The following MYBPC1 variants were observed in gnomAD, a reference collection of about 807,000 sequenced individuals.
MYBPC1 encodes the protein myosin-binding protein C, slow-type.
MYBPC1 carries 52 observed loss-of-function variants against 147.1 expected under a neutral mutation model. That is an observed-to-expected ratio of 0.35 (90% CI 0.28 to 0.45). MYBPC1 has a LOEUF of 0.45. Ranked by LOEUF, MYBPC1 falls within the 20% of genes least tolerant of loss-of-function variation. MYBPC1 has a pLI of 1.00. For missense variants in MYBPC1, 1,228 were observed against 1,440.3 expected (o/e 0.85, Z 2.39); for synonymous variants, 477 against 475.9 (o/e 1.00, Z -0.03).
chr12:101,649,462 C>G, intron 15 of MYBPC1, 36 bp downstream of exon 15: 1 of 1,606,246 alleles, frequency 6.2e-7, no homozygotes, highest in Non-Finnish European at 8.5e-7. Context: ...TCTCAGTGGG[C>G]TTATTAATGA....
rs185293894 is a variant in MYBPC1, at chr12:101,632,806, C to T, written c.556+668C>T. ...ATCTAGTGGCACTGTCTTGGTTCAC[C>T]ACAACTTCCAACTCCTGGGTTCAAG... On this transcript the variant is annotated intron_variant, in intron 8 of 31. Transcript: ENST00000361466. Among the ~76,000 whole-genome samples, 322 of 152,232 alleles carry T rather than the reference C, an allele frequency of 2.1e-3. 5 individuals carry two copies. Among genetic ancestry groups the T allele is most frequent in the African/African-American group, 7.4e-3 (309 of 41,548 alleles).
chr12:101,599,668 T>C (rs888392851), intron 1 of MYBPC1, among the ~76,000 whole-genome samples: 2 of 151,922 alleles, frequency 1.3e-5, no homozygotes, highest in East Asian at 3.8e-4. Flanking sequence ...TAATAATTTA[T>C]GCAGAAAACT....
At chr12:101,597,399 C>T (rs776952465) in intron 1 of MYBPC1, among the ~76,000 whole-genome samples, 51 of 152,052 alleles carry the variant, frequency 3.4e-4, no homozygotes, top group Non-Finnish European at 6.0e-4. Flanking sequence ...GTTTGGCCCT[C>T]CTAGGATCCA....
downstream of MYBPC1, among the ~76,000 whole-genome samples, chr12:101,689,151 G>C (rs1286132129): frequency 1.3e-5 from 2 of 152,130 alleles, no homozygotes; most frequent in Non-Finnish European, 2.9e-5. Flanking sequence ...TGCTAGGATG[G>C]AGAACAGGAC....
At chr12:101,661,317 C>CTAAGAT in intron 20 of MYBPC1, 55 bp downstream of exon 20, 1 of 1,133,082 alleles carries the variant, frequency 8.8e-7, no homozygotes, top group Non-Finnish European at 1.3e-6. Context: ...GTCCTCTTTA[C>CTAAGAT]GCATCTTAGT....
chr12:101,617,102 C>T lies in MYBPC1; in HGVS notation c.62-100C>T. ...TCAGTATCATTTATGACCTGTTCTGCTGTCATTTATTTCTTCCCTCCCCCT... is the reference window on the plus strand; with the variant it reads ...TCAGTATCATTTATGACCTGTTCTGTTGTCATTTATTTCTTCCCTCCCCCT... On this transcript the variant is annotated intron_variant, in intron 2 of 31. Coordinates refer to ENST00000361466, the MANE Select transcript of MYBPC1 (RefSeq NM_002465.4). 4.9e-6 allele frequency: 5 copies of T among 1,029,992 alleles called. No homozygotes were observed. In the South Asian group the frequency reaches 6.6e-5, roughly 14 times the overall value. The allele number at this position is 1,029,992 out of a possible 1,614,324, so 63.8% of individuals were successfully genotyped here. A position where few individuals can be genotyped will look rare whatever the true frequency, so the allele number is the denominator to read the frequency against.
At position 101,629,216 on chromosome 12, in the gene MYBPC1, T is replaced by C. The variant is rs1157601845; in HGVS notation, c.179-218T>C. On this transcript the variant is annotated intron_variant, in intron 5 of 31. Transcript: ENST00000361466. Reference sequence around the variant, plus strand: ...TCCACTATTTCTAAGAATTACATAATGTTCATTTGCCCCATCATGGAAGAG... The same window carrying C: ...TCCACTATTTCTAAGAATTACATAACGTTCATTTGCCCCATCATGGAAGAG... 1.8e-5 allele frequency: 10 copies of C among 553,924 alleles called. No homozygotes were observed. The East Asian group carries it at 3.2e-4, about 18-fold the overall frequency. The allele number at this position is 553,924 out of a possible 1,614,324, so 34.3% of individuals were successfully genotyped here. A position where few individuals can be genotyped will look rare whatever the true frequency, so the allele number is the denominator to read the frequency against.
intron 6 of MYBPC1, among the ~76,000 whole-genome samples, chr12:101,629,799 C>T (rs1040383812): frequency 6.6e-6 from 1 of 151,632 alleles, no homozygotes; most frequent in Non-Finnish European, 1.5e-5. Flanking sequence ...CTTGAACCCA[C>T]GAGGCGGAGG....
rs957629124 is a variant in MYBPC1, at chr12:101,608,992, C to T, written c.26-5504C>T. Among the ~76,000 whole-genome samples the T allele has an allele frequency of 4.6e-5, 7 of 152,120 alleles. No individual in the cohort carries two copies. The South Asian group carries it at 1.2e-3, about 27-fold the overall frequency. On this transcript the variant is annotated intron_variant, in intron 1 of 31. Coordinates refer to ENST00000361466, the MANE Select transcript of MYBPC1 (RefSeq NM_002465.4). ...TGGATTTCTTGGCAGCAAGGAGAAGCGGCTTTTGTGCAGGGAGGAACAGCC... is the reference window on the plus strand; with the variant it reads ...TGGATTTCTTGGCAGCAAGGAGAAGTGGCTTTTGTGCAGGGAGGAACAGCC...
chr12:101,670,819 C>G (rs1335400589), intron 24 of MYBPC1, among the ~76,000 whole-genome samples: 1 of 152,148 alleles, frequency 6.6e-6, no homozygotes, highest in Admixed American at 6.5e-5. Flanking sequence ...CCCACAATGA[C>G]CCCAAACCAA....
rs200785490 is a variant in MYBPC1 at position 101,617,254 on chromosome 12, G to A, written c.103+11G>A. 3 of 1,613,390 alleles carry A rather than the reference G, an allele frequency of 1.9e-6. No homozygotes were observed. The African/African-American group carries it at 4.0e-5, about 22-fold the overall frequency. On this transcript the variant is annotated intron_variant, in intron 3 of 31. Transcript: ENST00000361466. ...CTACACCAGCAAAAGGTGAGTTGGA[G>A]GGAGGGAGAGTGAGGCTGAAGTCAA... is the stretch of plus-strand genomic sequence containing the variant.
At chr12:101,690,204 C>A (rs1015840852), downstream of MYBPC1, among the ~76,000 whole-genome samples, 1 of 152,142 alleles carries the variant, frequency 6.6e-6, no homozygotes, top group South Asian at 2.1e-4. Flanking sequence ...AACTTTCTAG[C>A]CCTGCCCCAG....
At chr12:101,612,448 C>G (rs1453619275) in intron 1 of MYBPC1, among the ~76,000 whole-genome samples, 1 of 152,084 alleles carries the variant, frequency 6.6e-6, no homozygotes, top group Non-Finnish European at 1.5e-5. Flanking sequence ...AGAAATGGCT[C>G]TAGAACAGAG....
rs141530496 is a variant in MYBPC1, at chr12:101,675,829, A to G, written c.2949+398A>G. Among the ~76,000 whole-genome samples, 11 of 152,372 alleles carry G rather than the reference A, an allele frequency of 7.2e-5. No individual in the cohort carries two copies. The East Asian group carries it at 2.1e-3, about 29-fold the overall frequency. On this transcript the variant is annotated intron_variant, in intron 26 of 31. Transcript: ENST00000361466. ...AAGACTTTGACTCAGATTTACACCC[A>G]TGCAACTCTTTCTCCTTGTGAAATA...
At chr12:101,647,623 C>T (rs1893482900) in intron 13 of MYBPC1, among the ~76,000 whole-genome samples, 1 of 152,112 alleles carries the variant, frequency 6.6e-6, no homozygotes, top group African/African-American at 2.4e-5. Context: ...CACAGTGGCT[C>T]ATGTCTATAA....
intron 5 of MYBPC1, 62 bp from the exon 6 acceptor site, chr12:101,629,372 G>GT: frequency 8.7e-7 from 1 of 1,145,762 alleles, no homozygotes. Flanking sequence ...ACAAATCCAG[G>GT]TAAGACTGCC....
rs376040468 is a variant in MYBPC1, at chr12:101,627,811, G to C, written c.178+7G>C. 6.2e-7 allele frequency: 1 copy of C among 1,613,242 alleles called. No homozygotes were observed. The highest frequency in any genetic ancestry group is 2.2e-5 in the East Asian group (1 of 44,856). ...CTGGAGAGAAAAGATTCAGGTGAGC[G>C]CAAGCCCAGAGAAGGCATCCTGACC... On this transcript the variant is annotated splice_region_variant and intron_variant, in intron 5 of 31. Coordinates refer to ENST00000361466, the MANE Select transcript of MYBPC1 (RefSeq NM_002465.4).
intron 31 of MYBPC1, among the ~76,000 whole-genome samples, chr12:101,685,050 A>C (rs11110962): frequency 0.064 from 9,682 of 152,148 alleles, 435 homozygotes; most frequent in Non-Finnish European, 0.096. Context: ...TTATTATTAT[A>C]ATTTTAACAA....
the MYBPC1 span, among the ~76,000 whole-genome samples, chr12:101,693,313 A>G: frequency 6.6e-6 from 1 of 152,186 alleles, no homozygotes; most frequent in Non-Finnish European, 1.5e-5. Flanking sequence ...ATCTATATCT[A>G]TGTAGATATA....
Sources: allele counts gnomAD v4.1 joint callset (sites outside exome capture counted in the v4.1 genomes callset), GRCh38; gene constraint gnomAD v4.1.1; transcripts MANE v1.5; gene names NCBI Gene and HGNC (gene_info 2026-07-23, HGNC 2026-07-21).